The following ZMYND8 variants were observed in gnomAD, a reference collection of about 807,000 sequenced individuals.
ZMYND8 encodes the protein zinc finger MYND-type containing 8, also known as MYND-type zinc finger-containing chromatin reader ZMYND8.
In ZMYND8, 37 loss-of-function variants were observed where a neutral mutation model predicts 140.8. The ratio of observed to expected loss-of-function variants is 0.26; its 90% CI spans 0.20 to 0.35. The LOEUF (loss-of-function observed/expected upper bound fraction) is 0.35. ZMYND8 is among the 10% of genes least tolerant of loss of function. The probability of loss-of-function intolerance (pLI) is 1.00; values close to 1 mark genes in which losing one functional copy is unlikely to be tolerated. For synonymous variants in ZMYND8, 592 were observed against 597.1 expected (o/e 0.99, Z 0.12); for missense variants, 1,068 against 1,570.0 (o/e 0.68, Z 5.40).
intron 12 of ZMYND8, among the ~76,000 whole-genome samples, chr20:47,258,545 T>C (rs1261498460): frequency 6.6e-6 from 1 of 152,186 alleles, no homozygotes; most frequent in Admixed American, 6.5e-5. Flanking sequence ...TCCCAATGTG[T>C]AGGCAAACCC....
At chr20:47,315,546 T>TG (rs2079314898) in intron 2 of ZMYND8, among the ~76,000 whole-genome samples, 1 of 151,974 alleles carries the variant, frequency 6.6e-6, no homozygotes, top group South Asian at 2.1e-4. Flanking sequence ...CCCACTCCAG[T>TG]GGGGGCTGGG....
chr20:47,343,688 G>C lies in ZMYND8; in HGVS notation c.85+4168C>G, dbSNP rs143400438. ...TGTTTGTTATTTTTAGTAGAGATGG[G>C]ATTTTGCCACGTTGGCCAGGCTGGT... is the stretch of plus-strand genomic sequence containing the variant. On this transcript the variant is annotated intron_variant, in intron 2 of 22. Transcript: ENST00000471951. 2.0e-5 allele frequency among the ~76,000 whole-genome samples: 3 copies of C among 152,272 alleles called. No homozygotes were observed. The East Asian group carries it at 5.8e-4, about 29-fold the overall frequency.
rs186394334 is a variant in ZMYND8, at chr20:47,287,382, C to A, written c.749-98G>T. The A allele has an allele frequency of 4.5e-4, 476 of 1,067,090 alleles. 4 individuals are homozygous for A. The African/African-American group carries it at 6.5e-3, about 15-fold the overall frequency. 66.1% of individuals were successfully genotyped at this position (1,067,090 alleles called of 1,614,324 possible). On this transcript the variant is annotated intron_variant, in intron 7 of 22. Transcript: ENST00000471951. ...CTAACAATGTGTTTACTTGCTTTTC[C>A]CCCAGGATTAAGCTTTTAAAGGCTA...
intron 11 of ZMYND8, among the ~76,000 whole-genome samples, chr20:47,267,085 G>A (rs7261717): frequency 0.11 from 17,182 of 152,184 alleles, 1,092 homozygotes; most frequent in South Asian, 0.27. Context: ...GTTCTGATAC[G>A]TGCTGCAGTG....
intron 8 of ZMYND8, chr20:47,285,615 G>T: frequency 1.1e-6 from 1 of 899,032 alleles, no homozygotes; most frequent in Non-Finnish European, 1.3e-6. Context: ...TGGAACATCT[G>T]ACATGTTCAC....
At chr20:47,210,941 G>A (rs113895468) in intron 22 of ZMYND8, 44 bp from the exon 23 acceptor site, 207 of 1,597,700 alleles carry the variant, frequency 1.3e-4, no homozygotes, top group African/African-American at 4.3e-4. Flanking sequence ...GCCCACCTGC[G>A]CCTGAGCACA....
chr20:47,276,418 G>C lies in ZMYND8; in HGVS notation c.1376C>G (p.Ser459Cys). ...CTCCACGTCGGAGCCCGTGTGCACA[G>C]AAGAGTTTGTGCTCATGGGGGAGCG... is the stretch of plus-strand genomic sequence containing the variant. ...MPRSPMSTNS[S>C]VHTGSDVEQD... The change falls in exon 11 of 23, where the codon TCT (serine) becomes TGT (cysteine). Residue 459 changes from serine to cysteine, a missense_variant. By Grantham distance (112) the Ser-to-Cys change is moderately radical (BLOSUM62 -1). Around this residue, in one of 10 missense-constraint regions of ZMYND8, gnomAD observed 173 missense variants for 223.3 expected, o/e 0.77. Transcript: ENST00000471951. The C allele has an allele frequency of 1.2e-6, 2 of 1,613,926 alleles. No homozygotes were observed. The highest frequency in any genetic ancestry group is 1.7e-6 in the Non-Finnish European group (2 of 1,179,818).
intron 2 of ZMYND8, chr20:47,318,887 G>C: frequency 1.6e-6 from 2 of 1,234,832 alleles, no homozygotes; most frequent in Non-Finnish European, 2.2e-6. Flanking sequence ...ATTTCACCAG[G>C]AACATCAAGT....
intron 2 of ZMYND8, among the ~76,000 whole-genome samples, chr20:47,310,899 T>TC (rs2078881428): frequency 6.6e-6 from 1 of 151,890 alleles, no homozygotes; most frequent in Non-Finnish European, 1.5e-5. Context: ...TCGCCACTCT[T>TC]CCCCACTACG....
At chr20:47,325,780 T>C (rs924792292) in intron 2 of ZMYND8, among the ~76,000 whole-genome samples, 7 of 151,890 alleles carry the variant, frequency 4.6e-5, no homozygotes, top group Non-Finnish European at 1.0e-4. Context: ...TTATTCTTTT[T>C]CCATTTTGTT....
chr20:47,262,624 T>C (rs1052396023), intron 11 of ZMYND8, among the ~76,000 whole-genome samples, 196 bp from the exon 12 acceptor site: 2 of 152,154 alleles, frequency 1.3e-5, no homozygotes, highest in Non-Finnish European at 2.9e-5. Context: ...TAACCGGATG[T>C]GAAACCGTTA....
intron 15 of ZMYND8, 29 bp from the exon 16 acceptor site, chr20:47,236,545 C>A: frequency 2.0e-6 from 3 of 1,526,850 alleles, no homozygotes; most frequent in Non-Finnish European, 2.6e-6. Context: ...CTGATTACCC[C>A]ACGTGGGAAG....
chr20:47,236,492 T>C lies in ZMYND8; in HGVS notation c.2690A>G (p.Gln897Arg). The change falls in exon 16 of 23, where the codon CAG becomes CGG. Residue 897 changes from glutamine (Q) to arginine (R), a missense_variant. By Grantham distance (43) the Gln-to-Arg change is conservative. Around this residue, in one of 10 missense-constraint regions of ZMYND8, gnomAD observed 383 missense variants for 431.2 expected, o/e 0.89. Coordinates refer to ENST00000471951, the MANE Select transcript of ZMYND8 (RefSeq NM_001281775.3). ...VKAVQQKEIT[Q>R]SPSTSTITLV... ...GGTGATGGTGGACGTGGATGGGCTC[T>C]GTGTGATCTCCTTCTGCTGGACAGC... The C allele has an allele frequency of 6.3e-7, 1 of 1,593,846 alleles. No individual in the cohort carries two copies. The highest frequency in any genetic ancestry group is 8.6e-7 in the Non-Finnish European group (1 of 1,169,534).
rs931261029 is a variant in ZMYND8 at position 47,270,938 on chromosome 20, G to A, written c.1480+5376C>T. Among the ~76,000 whole-genome samples the A allele has an allele frequency of 3.3e-5, 5 of 152,038 alleles. No individual in the cohort carries two copies. The South Asian group carries it at 6.3e-4, about 19-fold the overall frequency. On this transcript the variant is annotated intron_variant, in intron 11 of 22. Transcript: ENST00000471951. ...TAAAAATACAAAAAATTAGCCGGGCGTGGCGGCAGGCACCTGTAGTCCCAG... is the reference window on the plus strand; with the variant it reads ...TAAAAATACAAAAAATTAGCCGGGCATGGCGGCAGGCACCTGTAGTCCCAG...
chr20:47,341,691 A>T (rs2081902640), intron 2 of ZMYND8, among the ~76,000 whole-genome samples: 1 of 152,112 alleles, frequency 6.6e-6, no homozygotes, highest in South Asian at 2.1e-4. Context: ...CAACATAGTG[A>T]AACCCCATCT....
At chr20:47,297,892 G>A (rs2077745617) in intron 4 of ZMYND8, among the ~76,000 whole-genome samples, 1 of 152,184 alleles carries the variant, frequency 6.6e-6, no homozygotes, top group Non-Finnish European at 1.5e-5. Context: ...GGGTGCCTGG[G>A]GTTTGCTACA....
intron 5 of ZMYND8, among the ~76,000 whole-genome samples, chr20:47,294,004 T>C (rs894297818): frequency 6.6e-6 from 1 of 152,178 alleles, no homozygotes; most frequent in Non-Finnish European, 1.5e-5. Flanking sequence ...TCCACCATCA[T>C]TTTAAGTTTC....
Position 47,290,269 on chromosome 20 carries a change from C to A in ZMYND8, c.666G>T (p.Ala222=). ...PMDLCTLEKN[A]KKKMYGCTEA... is the part of the protein sequence containing the mutation. ...CTGTGCAGCCATACATTTTCTTTTT[C>A]GCATTCTGGGAAGAAAAGCGATGGA... Residue 222 remains alanine (A), a synonymous_variant, in exon 7 of 23, where the codon GCG becomes GCT. Transcript: ENST00000471951. 1.2e-6 allele frequency: 2 copies of A among 1,613,116 alleles called. No homozygotes were observed. Among genetic ancestry groups the A allele is most frequent in the Non-Finnish European group, 1.7e-6 (2 of 1,179,636 alleles).
intron 4 of ZMYND8, among the ~76,000 whole-genome samples, chr20:47,296,807 G>A (rs2077667174): frequency 6.6e-6 from 1 of 151,684 alleles, no homozygotes; most frequent in South Asian, 2.1e-4. Flanking sequence ...AACTTAGTAA[G>A]TAGCTAGGTG....
Sources: allele counts gnomAD v4.1 joint callset (sites outside exome capture counted in the v4.1 genomes callset), GRCh38; gene constraint gnomAD v4.1.1; regional missense constraint gnomAD v4.1.1; transcripts MANE v1.5; gene names NCBI Gene and HGNC (gene_info 2026-07-23, HGNC 2026-07-21).